RRAS2: variants seen among roughly 807,000 people sequenced by gnomAD.
RRAS2 encodes RAS related 2, also known as ras-related protein R-Ras2.
In RRAS2, 7 loss-of-function variants were observed where a neutral mutation model predicts 27.6. That is an observed-to-expected ratio of 0.25 (90% CI 0.14 to 0.48). The LOEUF (loss-of-function observed/expected upper bound fraction) is 0.48. Among genes scored for constraint, RRAS2 ranks in the 20% least tolerant of loss-of-function variants. RRAS2 has a pLI of 0.99. For synonymous variants in RRAS2, 86 were observed against 90.9 expected, an observed-to-expected ratio of 0.95 and a Z score of 0.31; for missense variants, 178 against 256.2, an observed-to-expected ratio of 0.69 and a Z score of 2.08.
Position 14,283,659 on chromosome 11 carries a change from T to C in RRAS2, c.409-1939A>G, listed in dbSNP as rs77945377. 5.0e-3 allele frequency among the ~76,000 whole-genome samples: 762 copies of C among 152,322 alleles called. 4 individuals are homozygous for C. Among genetic ancestry groups the C allele is most frequent in the African/African-American group, 0.018 (741 of 41,580 alleles). ...GGTAGTTTGTGCCTTTCAAGTAATATGTCCATTTCATTTAACTTGCTGAAT... is the reference window on the plus strand; with the variant it reads ...GGTAGTTTGTGCCTTTCAAGTAATACGTCCATTTCATTTAACTTGCTGAAT... On this transcript the variant is annotated intron_variant, in intron 4 of 5. Coordinates refer to ENST00000256196, the MANE Select transcript of RRAS2 (RefSeq NM_012250.6).
At chr11:14,310,280 CA>C (rs1847930466) in intron 1 of RRAS2, among the ~76,000 whole-genome samples, 1 of 152,174 alleles carries the variant, frequency 6.6e-6, no homozygotes, top group African/African-American at 2.4e-5. Context: ...TAGACACCTA[CA>C]GAAATGAGTC....
At chr11:14,348,739 G>A (rs1387883129) in intron 1 of RRAS2, among the ~76,000 whole-genome samples, 1 of 152,132 alleles carries the variant, frequency 6.6e-6, no homozygotes, top group African/African-American at 2.4e-5. Flanking sequence ...AGCATATTTT[G>A]TATTTTTTCC....
chr11:14,356,229 A>G (rs118058682), intron 1 of RRAS2, among the ~76,000 whole-genome samples: 1,938 of 152,270 alleles, frequency 0.013, 15 homozygotes, highest in Middle Eastern at 0.024. Context: ...CAGAGACCAG[A>G]TCACAGGTCC....
chr11:14,333,682 C>A (rs1161822037), intron 1 of RRAS2, among the ~76,000 whole-genome samples: 2 of 150,682 alleles, frequency 1.3e-5, no homozygotes, highest in African/African-American at 4.9e-5. Context: ...GTCTCTGTCG[C>A]CCAGGCTGGA....
chr11:14,293,575 C>T lies in RRAS2; in HGVS notation c.408+896G>A, dbSNP rs543190089. Among the ~76,000 whole-genome samples the T allele has an allele frequency of 2.6e-5, 4 of 152,092 alleles. 1 individual carries two copies. The highest frequency in any genetic ancestry group is 4.8e-5 in the African/African-American group (2 of 41,498). On this transcript the variant is annotated intron_variant, in intron 4 of 5. Transcript: ENST00000256196. The stretch of plus-strand genomic sequence containing the variant: ...TCCGCGGTTTCCCCCATCCTGTTCT[C>T]GGAGATCTGATGGTTTTATAAAGGG...
intron 4 of RRAS2, among the ~76,000 whole-genome samples, chr11:14,288,429 C>T (rs1182381908): frequency 6.6e-6 from 1 of 152,198 alleles, no homozygotes; most frequent in East Asian, 1.9e-4. Flanking sequence ...ATAGCATTGC[C>T]ATCACCAAAG....
In RRAS2 at chr11:14,358,887, C is replaced by A. The variant is rs1554955867; in HGVS notation, c.-17G>T. The stretch of plus-strand genomic sequence containing the variant: ...CGCGGCCATGGGGACGCTACAGAGC[C>A]CAGCCTGACTGCGCCGAGCCGCCGC... On this transcript the variant is annotated 5_prime_UTR_variant, in exon 1 of 6. Coordinates refer to ENST00000256196, the MANE Select transcript of RRAS2 (RefSeq NM_012250.6). The surrounding 1 kb of genome is among the most constrained non-coding windows in gnomAD (Gnocchi z 5.1). 1 of 1,397,286 alleles carries A rather than the reference C, an allele frequency of 7.2e-7. No homozygotes were observed. Among genetic ancestry groups the A allele is most frequent in the South Asian group, 1.4e-5 (1 of 69,788 alleles). The allele number at this position is 1,397,286 out of a possible 1,614,324, so 86.6% of individuals were successfully genotyped here.
chr11:14,292,474 A>G (rs1195914641), intron 4 of RRAS2, among the ~76,000 whole-genome samples: 1 of 152,150 alleles, frequency 6.6e-6, no homozygotes, highest in African/African-American at 2.4e-5. Context: ...ATGCAATGAC[A>G]TATAGAGTTT....
chr11:14,278,004 C>T lies in RRAS2; in HGVS notation c.*1333G>A, dbSNP rs1400893310. 1 of 152,234 alleles carries T rather than the reference C, an allele frequency of 6.6e-6. No homozygotes were observed. The highest frequency in any genetic ancestry group is 1.5e-5 in the Non-Finnish European group (1 of 68,050). The allele number at this position is 152,234 out of a possible 1,614,324, so 9.4% of individuals were successfully genotyped here. A position where few individuals can be genotyped will look rare whatever the true frequency, so the allele number is the denominator to read the frequency against. ...ATAAACTTCATGGGACTGTTGTACA[C>T]ACTTGATAAAGTGACAACTGTGCAA... On this transcript the variant is annotated 3_prime_UTR_variant, in exon 6 of 6. Transcript: ENST00000256196.
At chr11:14,326,698 A>T (rs543811145) in intron 1 of RRAS2, among the ~76,000 whole-genome samples, 1 of 152,348 alleles carries the variant, frequency 6.6e-6, no homozygotes, top group Admixed American at 6.5e-5. Flanking sequence ...TCAAGCAGTT[A>T]AAACTCCTAT....
At chr11:14,361,992 G>C (rs142665067), upstream of RRAS2, among the ~76,000 whole-genome samples, 1 of 152,114 alleles carries the variant, frequency 6.6e-6, no homozygotes, top group Non-Finnish European at 1.5e-5. Flanking sequence ...AGACACAAAA[G>C]ACCACATATT....
At chr11:14,298,164 T>C (rs1347138573) in intron 1 of RRAS2, among the ~76,000 whole-genome samples, 1 of 152,226 alleles carries the variant, frequency 6.6e-6, no homozygotes. Flanking sequence ...TGCGCTGTAC[T>C]TTTTAAGATT....
chr11:14,294,636 G>A (rs369124796), intron 3 of RRAS2, 57 bp from the exon 4 acceptor site: 42 of 1,484,516 alleles, frequency 2.8e-5, no homozygotes, highest in South Asian at 2.1e-4. Flanking sequence ...TCAGAATTCA[G>A]CAAGTCTCAT....
At chr11:14,334,038 A>AT (rs1164995369) in intron 1 of RRAS2, among the ~76,000 whole-genome samples, 4 of 152,220 alleles carry the variant, frequency 2.6e-5, no homozygotes, top group African/African-American at 9.6e-5. Context: ...GTGATTTCTA[A>AT]TTTTTTTAGA....
At chr11:14,326,779 G>GCTATTCTGTTCTGCTGTGGAAAACTAA (rs370653743) in intron 1 of RRAS2, among the ~76,000 whole-genome samples, 4 of 97,162 alleles carry the variant, frequency 4.1e-5, no homozygotes, top group East Asian at 2.6e-4. Flanking sequence ...ATATGATTTT[G>GCTATTCTGTTCTGCTGTGGAAAACTAA]GCCGGGCGCG....
At chr11:14,317,453 G>A (rs1294488863) in intron 1 of RRAS2, among the ~76,000 whole-genome samples, 2 of 152,088 alleles carry the variant, frequency 1.3e-5, no homozygotes, top group Admixed American at 1.3e-4. Context: ...GGTGGTGGGT[G>A]CCTGTAATCT....
chr11:14,279,230 G>T lies in RRAS2; in HGVS notation c.*107C>A. 1 of 801,856 alleles carries T rather than the reference G, an allele frequency of 1.2e-6. No homozygotes were observed. The highest frequency in any genetic ancestry group is 2.2e-6 in the Non-Finnish European group (1 of 460,492). 49.7% of individuals were successfully genotyped at this position (801,856 alleles called of 1,614,324 possible). On this transcript the variant is annotated 3_prime_UTR_variant, in exon 6 of 6. Coordinates refer to ENST00000256196, the MANE Select transcript of RRAS2 (RefSeq NM_012250.6). Reference sequence around the variant, plus strand: ...AGCTTCTTCGTCTAAGGCTAACATGGTGATCATTTGTCTAAGGCTAGAAAG... The same window carrying T: ...AGCTTCTTCGTCTAAGGCTAACATGTTGATCATTTGTCTAAGGCTAGAAAG...
intron 1 of RRAS2, among the ~76,000 whole-genome samples, chr11:14,298,915 G>A (rs1307102732): frequency 1.3e-5 from 2 of 152,108 alleles, no homozygotes; most frequent in Admixed American, 1.3e-4. Context: ...TTAAACTTGG[G>A]TACCAGATAT....
At chr11:14,328,960 G>A (rs371591943) in intron 1 of RRAS2, among the ~76,000 whole-genome samples, 3 of 150,282 alleles carry the variant, frequency 2.0e-5, no homozygotes, top group Non-Finnish European at 3.0e-5. Context: ...AACTATGCCC[G>A]GCACATACAC....
Sources: allele counts gnomAD v4.1 joint callset (sites outside exome capture counted in the v4.1 genomes callset), GRCh38; gene constraint gnomAD v4.1.1; non-coding constraint Gnocchi (gnomAD v3.1); transcripts MANE v1.5; gene names NCBI Gene and HGNC (gene_info 2026-07-23, HGNC 2026-07-21).